The following UBAC2 variants were observed in gnomAD, a reference collection of about 807,000 sequenced individuals.
UBAC2 encodes the protein UBA domain containing 2.
UBAC2 carries 26 observed loss-of-function variants against 44.0 expected under a neutral mutation model. The observed-to-expected ratio is 0.59, with a 90% CI of 0.43 to 0.82. The LOEUF is 0.82. Among genes scored for constraint, UBAC2 ranks in the 40% least tolerant of loss-of-function variants. The pLI is 0.00. For missense variants in UBAC2, 329 were observed against 419.4 expected (o/e 0.78, Z 1.88); for synonymous variants, 155 against 154.3 (o/e 1.00, Z -0.04).
At chr13:99,372,424 A>G (rs2045419018) in intron 8 of UBAC2, 1 of 154,594 alleles carries the variant, frequency 6.5e-6, no homozygotes, top group South Asian at 2.0e-4. Context: ...GGAGGCAAGG[A>G]GAAGGCCCCT....
intron 4 of UBAC2, among the ~76,000 whole-genome samples, chr13:99,268,237 C>G (rs960565246): frequency 6.6e-6 from 1 of 152,140 alleles, no homozygotes; most frequent in Non-Finnish European, 1.5e-5. Context: ...GAGCTGCTAG[C>G]AGTCTTCTCA....
At chr13:99,247,028 G>A (rs2043392113) in intron 4 of UBAC2, among the ~76,000 whole-genome samples, 1 of 152,060 alleles carries the variant, frequency 6.6e-6, no homozygotes, top group Admixed American at 6.6e-5. Flanking sequence ...TAGAGAAAAG[G>A]TTTTGCTATG....
intron 1 of UBAC2, among the ~76,000 whole-genome samples, chr13:99,209,834 G>A (rs552485836): frequency 2.6e-5 from 4 of 152,250 alleles, no homozygotes; most frequent in African/African-American, 9.6e-5. Context: ...TTAACTGGGC[G>A]TGGTGGTTGG....
rs1374467622 is a variant in UBAC2, at chr13:99,276,412, TCA to T, written c.389+31791_389+31792del. Among the ~76,000 whole-genome samples the T allele has an allele frequency of 2.0e-5, 3 of 152,364 alleles. No individual in the cohort carries two copies. In the East Asian group the frequency reaches 5.8e-4, roughly 29 times the overall value. ...GGTCTGATACATTTGCAGGAACGTC[TCA>T]CAGAACTCAGGAACGTATTTTACTT... On this transcript the variant is annotated intron_variant, in intron 4 of 8. Transcript: ENST00000403766.
At chr13:99,362,922 G>A (rs2045284674) in intron 7 of UBAC2, among the ~76,000 whole-genome samples, 1 of 152,056 alleles carries the variant, frequency 6.6e-6, no homozygotes, top group Admixed American at 6.5e-5. Context: ...TTTTTTCATT[G>A]TGATTTATAC....
chr13:99,364,751 G>A (rs1295027790), intron 7 of UBAC2, among the ~76,000 whole-genome samples: 1 of 152,134 alleles, frequency 6.6e-6, no homozygotes, highest in Non-Finnish European at 1.5e-5. Flanking sequence ...AACATCATTT[G>A]AGAGATTCAG....
intron 6 of UBAC2, among the ~76,000 whole-genome samples, chr13:99,325,098 C>CTTTTTT (rs55672515): frequency 1.0e-4 from 9 of 86,138 alleles, no homozygotes; most frequent in Admixed American, 1.4e-4. Context: ...TGTCTATGCT[C>CTTTTTT]TTTTTTTTTT....
intron 4 of UBAC2, among the ~76,000 whole-genome samples, chr13:99,288,803 T>TA (rs2138702408): frequency 6.6e-6 from 1 of 152,338 alleles, no homozygotes; most frequent in East Asian, 1.9e-4. Context: ...ATCAACCTCT[T>TA]ACCATACTTA....
chr13:99,348,739 A>G (rs1290964467), intron 7 of UBAC2, among the ~76,000 whole-genome samples: 1 of 152,236 alleles, frequency 6.6e-6, no homozygotes, highest in Non-Finnish European at 1.5e-5. Context: ...GGCTGGCCAC[A>G]GTGGCTCATG....
intron 7 of UBAC2, among the ~76,000 whole-genome samples, chr13:99,341,417 CAGG>C (rs1289490916): frequency 7.5e-5 from 1 of 13,360 alleles, no homozygotes; most frequent in African/African-American, 1.3e-4. Context: ...GAGTTTATAT[CAGG>C]GGGGGGGAGG....
At chr13:99,281,409 T>C (rs1405175182) in intron 4 of UBAC2, among the ~76,000 whole-genome samples, 2 of 152,162 alleles carry the variant, frequency 1.3e-5, no homozygotes, top group African/African-American at 2.4e-5. Flanking sequence ...TCTCACACTT[T>C]GGGCTCAGTT....
chr13:99,381,962 G>A (rs1322724415), intron 8 of UBAC2, among the ~76,000 whole-genome samples: 1 of 152,204 alleles, frequency 6.6e-6, no homozygotes, highest in African/African-American at 2.4e-5. Context: ...GTTGGCAAGA[G>A]ATCACCAAGA....
chr13:99,253,966 C>A (rs2043495249), intron 4 of UBAC2, among the ~76,000 whole-genome samples: 1 of 152,166 alleles, frequency 6.6e-6, no homozygotes, highest in Admixed American at 6.5e-5. Flanking sequence ...AGGGGCTTTA[C>A]AGATTATAGT....
intron 8 of UBAC2, among the ~76,000 whole-genome samples, chr13:99,370,079 C>A (rs1399902974): frequency 1.3e-5 from 2 of 152,160 alleles, no homozygotes; most frequent in East Asian, 1.9e-4. Context: ...TGAAATTGGA[C>A]TATGGATTGG....
At chr13:99,375,801 C>CCT (rs1555333482) in intron 8 of UBAC2, among the ~76,000 whole-genome samples, 3 of 110,888 alleles carry the variant, frequency 2.7e-5, no homozygotes, top group Admixed American at 1.0e-4. Flanking sequence ...TCCTTTTTCC[C>CCT]TTTTTTTTTT....
chr13:99,357,222 C>T (rs1410456151), intron 7 of UBAC2, among the ~76,000 whole-genome samples: 3 of 152,328 alleles, frequency 2.0e-5, no homozygotes, highest in Non-Finnish European at 4.4e-5. Context: ...CCATAGGCTA[C>T]ACCAAGCAGC....
intron 6 of UBAC2, among the ~76,000 whole-genome samples, chr13:99,327,184 A>G (rs2044651326): frequency 6.6e-6 from 1 of 152,202 alleles, no homozygotes; most frequent in African/African-American, 2.4e-5. Context: ...TGTCATACTC[A>G]ATCTGAAGTA....
intron 8 of UBAC2, among the ~76,000 whole-genome samples, chr13:99,368,336 C>G (rs1021416973): frequency 1.3e-5 from 2 of 152,020 alleles, no homozygotes; most frequent in Non-Finnish European, 2.9e-5. Flanking sequence ...AAATGTAAAA[C>G]TGAAAAGAAA....
At chr13:99,262,710 C>CAAAAAAAAAAAAAAAAAAAA (rs61627160) in intron 4 of UBAC2, among the ~76,000 whole-genome samples, 4 of 57,158 alleles carry the variant, frequency 7.0e-5, no homozygotes, top group Non-Finnish European at 9.4e-5. Context: ...AACTCCCTCT[C>CAAAAAAAAAAAAAAAAAAAA]AAAAAAAAAA....
Sources: gnomAD v4.1 joint callset for allele counts (sites outside exome capture counted in the v4.1 genomes callset) on GRCh38, gnomAD v4.1.1 for gene constraint, MANE v1.5 for transcripts, NCBI Gene and HGNC (gene_info 2026-07-23, HGNC 2026-07-21) for gene names.